NBAS: variants seen among roughly 807,000 people sequenced by gnomAD.
The protein encoded by NBAS is NAG/BC035112 fusion.
A neutral mutation model predicts 302.5 loss-of-function variants in NBAS; 219 were observed. The ratio of observed to expected loss-of-function variants is 0.72; its 90% confidence interval spans 0.65 to 0.81. The LOEUF is 0.81. NBAS is among the 30% of genes least tolerant of loss of function. NBAS has a pLI of 0.00. For missense variants in NBAS, 2,932 were observed against 2,841.6 expected, an observed-to-expected ratio of 1.03 and a Z score of -0.72; for synonymous variants, 1,118 against 1,021.6, an observed-to-expected ratio of 1.09 and a Z score of -1.80.
Position 15,474,071 on chromosome 2 carries a change from C to T in NBAS, c.1595G>A (p.Arg532Lys). 6.2e-7 allele frequency: 1 copy of T among 1,614,122 alleles called. No individual in the cohort carries two copies. Among genetic ancestry groups the T allele is most frequent in the Non-Finnish European group, 8.5e-7 (1 of 1,180,014 alleles). The change falls in exon 15 of 52, where the codon AGG (arginine) becomes AAG (lysine). Residue 532 changes from arginine (R) to lysine (K), a missense_variant. Coordinates refer to ENST00000281513, the MANE Select transcript of NBAS (RefSeq NM_015909.4). ...AGTAATATGCTACTCTCTCACCTTC[C>T]TCTGATAAAGTTCCTCTGGTGTCGT... The part of the protein sequence containing the change: ...RSTTPEELYQ[R>K]KIESEEYEEA...
At chr2:15,178,192 G>A (rs1201839533) in intron 51 of NBAS, 1 of 469,382 alleles carries the variant, frequency 2.1e-6, no homozygotes, top group African/African-American at 2.0e-5. Flanking sequence ...TAGCATGCAT[G>A]TGTATATATA....
intron 40 of NBAS, among the ~76,000 whole-genome samples, chr2:15,294,960 G>C (rs77930756): frequency 6.6e-6 from 1 of 152,126 alleles, no homozygotes; most frequent in Non-Finnish European, 1.5e-5. Flanking sequence ...CTATCTCTGC[G>C]TATAACTCCA....
chr2:14,892,670 C>CTT, the NBAS span, among the ~76,000 whole-genome samples: 3 of 147,812 alleles, frequency 2.0e-5, no homozygotes, highest in Non-Finnish European at 3.0e-5. Flanking sequence ...TCAATATGCT[C>CTT]TTTTTTTTTT....
the NBAS span, among the ~76,000 whole-genome samples, chr2:14,985,453 AGGAAGTAAAGCTT>A: frequency 6.6e-6 from 1 of 152,264 alleles, no homozygotes; most frequent in South Asian, 2.1e-4. Flanking sequence ...CAGAGACGAT[AGGAAGTAAAGCTT>A]CTAGTGACAG....
At chr2:14,860,072 C>A in the NBAS span, among the ~76,000 whole-genome samples, 1 of 151,812 alleles carries the variant, frequency 6.6e-6, no homozygotes, top group African/African-American at 2.4e-5. Flanking sequence ...AAATGGCCAA[C>A]AGGTATATGA....
At chr2:15,094,745 C>T in the NBAS span, among the ~76,000 whole-genome samples, 2 of 152,102 alleles carry the variant, frequency 1.3e-5, no homozygotes, top group Non-Finnish European at 2.9e-5. Context: ...CTAAAATGCT[C>T]CCGCCGGCCC....
chr2:15,479,193 A>C (rs1680318633), intron 12 of NBAS, among the ~76,000 whole-genome samples: 1 of 152,194 alleles, frequency 6.6e-6, no homozygotes, highest in African/African-American at 2.4e-5. Flanking sequence ...TGAGAACAGA[A>C]GACACGGTCT....
chr2:15,297,257 C>T (rs1670591136), intron 40 of NBAS, among the ~76,000 whole-genome samples: 1 of 152,168 alleles, frequency 6.6e-6, no homozygotes, highest in East Asian at 1.9e-4. Context: ...TAAGAACCAT[C>T]CTTTTATATT....
the NBAS span, among the ~76,000 whole-genome samples, chr2:15,001,848 T>C: frequency 5.9e-5 from 9 of 152,128 alleles, no homozygotes; most frequent in African/African-American, 2.2e-4. Flanking sequence ...AAAAGCAGTG[T>C]GGACCCAAAG....
the NBAS span, among the ~76,000 whole-genome samples, chr2:15,073,304 C>T: frequency 2.6e-5 from 4 of 151,978 alleles, no homozygotes; most frequent in African/African-American, 7.2e-5. Flanking sequence ...CATGGTGAAA[C>T]ACTGTCTCTA....
chr2:15,308,454 A>T, intron 39 of NBAS, 101 bp from the exon 40 acceptor site: 1 of 1,444,770 alleles, frequency 6.9e-7, no homozygotes, highest in Non-Finnish European at 9.5e-7. Flanking sequence ...TTTTGTACAA[A>T]GTTCCCATTA....
At chr2:15,139,501 GGTGT>G in the NBAS span, among the ~76,000 whole-genome samples, 2,889 of 148,600 alleles carry the variant, frequency 0.019, 83 homozygotes, top group African/African-American at 0.067. Flanking sequence ...TTTAGTGTAT[GGTGT>G]GTGTGTGTGT....
chr2:15,398,137 TGTTTTGTTTGGTTTG>T (rs1229898204), intron 26 of NBAS, among the ~76,000 whole-genome samples: 4 of 90,574 alleles, frequency 4.4e-5, no homozygotes, highest in South Asian at 3.2e-4. Flanking sequence ...TTGTTTGTTT[TGTTTTGTTTGGTTTG>T]GTTTTGTTTG....
At chr2:15,374,753 G>T (rs1674652215) in intron 30 of NBAS, 33 bp from the exon 31 acceptor site, 2 of 1,549,360 alleles carry the variant, frequency 1.3e-6, no homozygotes. Flanking sequence ...TTAAAAAGAA[G>T]CAACATATGT....
chr2:14,843,345 G>A, the NBAS span, among the ~76,000 whole-genome samples: 1 of 151,928 alleles, frequency 6.6e-6, no homozygotes, highest in East Asian at 1.9e-4. Context: ...AATAAACAAA[G>A]GGCACATAAA....
intron 17 of NBAS, 95 bp from the exon 18 acceptor site, chr2:15,467,899 TTCCACAAAAACAGAAG>T: frequency 3.7e-6 from 4 of 1,094,954 alleles, no homozygotes; most frequent in Non-Finnish European, 5.3e-6. Flanking sequence ...CATTATTGAT[TTCCACAAAAACAGAAG>T]AAAGTATTTG....
chr2:15,090,790 C>T, the NBAS span, among the ~76,000 whole-genome samples: 1 of 152,182 alleles, frequency 6.6e-6, no homozygotes, highest in Non-Finnish European at 1.5e-5. Context: ...TTTGAAAGCT[C>T]TGCAGCATTG....
intron 35 of NBAS, among the ~76,000 whole-genome samples, chr2:15,332,640 A>G (rs1463279845): frequency 1.3e-5 from 2 of 152,176 alleles, no homozygotes; most frequent in Non-Finnish European, 2.9e-5. Context: ...TAATTATGAA[A>G]AAAACAACAT....
chr2:15,077,680 CT>C, the NBAS span, among the ~76,000 whole-genome samples: 2 of 147,088 alleles, frequency 1.4e-5, no homozygotes, highest in African/African-American at 2.6e-5. Context: ...TTCTTTCTTT[CT>C]TTTTTTTTCT....
Sources: allele counts gnomAD v4.1 joint callset (sites outside exome capture counted in the v4.1 genomes callset), GRCh38; gene constraint gnomAD v4.1.1; transcripts MANE v1.5; gene names NCBI Gene and HGNC (gene_info 2026-07-23, HGNC 2026-07-21).